The following LHFPL3 variants were observed in gnomAD, a reference collection of about 807,000 sequenced individuals.
The protein encoded by LHFPL3 is LHFPL tetraspan subfamily member 3, also known as LHFPL tetraspan subfamily member 3 protein.
LHFPL3 carries 5 observed loss-of-function variants against 19.3 expected under a neutral mutation model. The ratio of observed to expected loss-of-function variants is 0.26; its 90% CI spans 0.14 to 0.54. The LOEUF (loss-of-function observed/expected upper bound fraction) is 0.54. Among genes scored for constraint, LHFPL3 ranks in the 20% least tolerant of loss-of-function variants. LHFPL3 has a pLI of 0.94. For synonymous variants in LHFPL3, 133 were observed against 126.2 expected, an observed-to-expected ratio of 1.05 and a Z score of -0.36; for missense variants, 249 against 307.4, an observed-to-expected ratio of 0.81 and a Z score of 1.42.
chr7:104,329,239 A>C lies in LHFPL3; in HGVS notation c.445+15A>C, dbSNP rs1422381224. The stretch of plus-strand genomic sequence containing the variant: ...GCTCACCTCCGGTGAGTGCGCGCTC[A>C]CCTCCGCGGAGGCGGAGGACCCCGG... On this transcript the variant is annotated intron_variant, in intron 1 of 2. Transcript: ENST00000424859. 1.9e-6 allele frequency: 3 copies of C among 1,577,360 alleles called. No individual in the cohort carries two copies. The highest frequency in any genetic ancestry group is 1.4e-5 in the African/African-American group (1 of 73,830).
At chr7:104,823,736 C>T (rs1338587404) in intron 2 of LHFPL3, among the ~76,000 whole-genome samples, 2 of 152,040 alleles carry the variant, frequency 1.3e-5, no homozygotes, top group African/African-American at 2.4e-5. Flanking sequence ...TTTCTCGCTC[C>T]GCTTCAAAGA....
chr7:104,380,631 A>G (rs1406732355), intron 1 of LHFPL3, among the ~76,000 whole-genome samples: 2 of 152,186 alleles, frequency 1.3e-5, no homozygotes, highest in Admixed American at 1.3e-4. Flanking sequence ...AAAGTTTCCT[A>G]CAAAAGAAGA....
chr7:104,480,343 C>T (rs140553480), intron 1 of LHFPL3, among the ~76,000 whole-genome samples: 183 of 152,300 alleles, frequency 1.2e-3, no homozygotes, highest in Non-Finnish European at 2.1e-3. Context: ...GTCCCCCCAC[C>T]GCCCAGATTT....
At chr7:104,525,126 C>T (rs1794161410) in intron 1 of LHFPL3, among the ~76,000 whole-genome samples, 1 of 152,148 alleles carries the variant, frequency 6.6e-6, no homozygotes, top group Non-Finnish European at 1.5e-5. Flanking sequence ...GAGTTGAGCT[C>T]CTCAATGTGT....
At chr7:104,605,159 A>C (rs1206047596) in intron 1 of LHFPL3, among the ~76,000 whole-genome samples, 1 of 152,176 alleles carries the variant, frequency 6.6e-6, no homozygotes, top group African/African-American at 2.4e-5. Context: ...TCCACGGGAA[A>C]TATTTTACAC....
At chr7:104,375,391 C>T (rs752104960) in intron 1 of LHFPL3, among the ~76,000 whole-genome samples, 43 of 152,018 alleles carry the variant, frequency 2.8e-4, no homozygotes, top group East Asian at 1.7e-3. Context: ...AAAATGAAAA[C>T]AATAAACATT....
intron 1 of LHFPL3, among the ~76,000 whole-genome samples, chr7:104,396,844 T>G (rs1009395139): frequency 6.6e-6 from 1 of 151,850 alleles, no homozygotes; most frequent in African/African-American, 2.4e-5. Context: ...ATGGCCTGCG[T>G]CTGTGGTCCT....
chr7:104,818,116 G>A lies in LHFPL3; in HGVS notation c.682+81205G>A, dbSNP rs554350565. On this transcript the variant is annotated intron_variant, in intron 2 of 2. Coordinates refer to ENST00000424859, the MANE Select transcript of LHFPL3 (RefSeq NM_199000.3). The stretch of plus-strand genomic sequence containing the variant: ...GTAAGAGGAATCGGAAGGATTTATT[G>A]AGCCAGCAAGGATCATCTAGTTTAT... 3.9e-5 allele frequency among the ~76,000 whole-genome samples: 6 copies of A among 152,306 alleles called. No homozygotes were observed. The South Asian group carries it at 1.0e-3, about 26-fold the overall frequency.
intron 2 of LHFPL3, among the ~76,000 whole-genome samples, chr7:104,904,286 G>A (rs902916009): frequency 6.6e-6 from 1 of 152,168 alleles, no homozygotes; most frequent in African/African-American, 2.4e-5. Context: ...AACAACAACA[G>A]AATGATCCAG....
At chr7:104,703,089 A>C (rs1244398983) in intron 1 of LHFPL3, among the ~76,000 whole-genome samples, 1 of 152,110 alleles carries the variant, frequency 6.6e-6, no homozygotes, top group Admixed American at 6.5e-5. Flanking sequence ...TTAATTTCCA[A>C]ATCTTTTGTG....
chr7:104,340,337 A>C (rs1243387906), intron 1 of LHFPL3, among the ~76,000 whole-genome samples: 1 of 152,232 alleles, frequency 6.6e-6, no homozygotes, highest in East Asian at 1.9e-4. Context: ...AAAATAAAGA[A>C]AAACTAGAAA....
At chr7:104,897,999 G>A (rs1042390106) in intron 2 of LHFPL3, among the ~76,000 whole-genome samples, 19 of 92,852 alleles carry the variant, frequency 2.0e-4, no homozygotes, top group Non-Finnish European at 3.9e-4. Context: ...AGAAAGAAAT[G>A]TCACCCCTTT....
chr7:104,645,931 T>C (rs1791926193), intron 1 of LHFPL3, among the ~76,000 whole-genome samples: 1 of 152,054 alleles, frequency 6.6e-6, no homozygotes, highest in African/African-American at 2.4e-5. Context: ...AAGTGCTGGA[T>C]TGGGTTTTCT....
intron 1 of LHFPL3, among the ~76,000 whole-genome samples, chr7:104,705,568 A>G (rs931175400): frequency 1.3e-5 from 2 of 152,162 alleles, no homozygotes; most frequent in East Asian, 1.9e-4. Flanking sequence ...TCAGCTGTTC[A>G]GCGTTACCTT....
intron 1 of LHFPL3, among the ~76,000 whole-genome samples, chr7:104,658,006 T>C (rs1206865048): frequency 1.2e-5 from 1 of 83,012 alleles, no homozygotes; most frequent in Admixed American, 1.3e-4. Context: ...AAGCTAAGCC[T>C]TTGACAGAAA....
At chr7:104,801,778 G>C (rs1790251595) in intron 2 of LHFPL3, among the ~76,000 whole-genome samples, 1 of 152,026 alleles carries the variant, frequency 6.6e-6, no homozygotes, top group African/African-American at 2.4e-5. Context: ...CACCGTGTTA[G>C]CTGGAATAGT....
intron 1 of LHFPL3, among the ~76,000 whole-genome samples, chr7:104,671,370 C>T (rs1003919079): frequency 6.6e-6 from 1 of 151,974 alleles, no homozygotes; most frequent in Non-Finnish European, 1.5e-5. Context: ...CTGTCCCCTA[C>T]CTTGTCCCCC....
intron 1 of LHFPL3, among the ~76,000 whole-genome samples, chr7:104,374,292 A>T (rs1217940804): frequency 6.6e-6 from 1 of 151,324 alleles, no homozygotes; most frequent in Non-Finnish European, 1.5e-5. Flanking sequence ...ACCAGGCTGG[A>T]GTACAATGGC....
At chr7:104,538,497 G>A (rs183736906) in intron 1 of LHFPL3, among the ~76,000 whole-genome samples, 51 of 152,224 alleles carry the variant, frequency 3.4e-4, no homozygotes, top group Admixed American at 1.9e-3. Flanking sequence ...TTCAAATATC[G>A]TCTGAAAGGT....
Sources: allele counts gnomAD v4.1 joint callset (sites outside exome capture counted in the v4.1 genomes callset), GRCh38; gene constraint gnomAD v4.1.1; transcripts MANE v1.5; gene names NCBI Gene and HGNC (gene_info 2026-07-23, HGNC 2026-07-21).